Variants in ADGRG4 observed in about 807,000 individuals in gnomAD.
ADGRG4 encodes adhesion G protein-coupled receptor G4, also known as G protein-coupled receptor 112.
ADGRG4 carries 122 observed loss-of-function variants against 126.2 expected under a neutral mutation model. That is an observed-to-expected ratio of 0.97 (90% CI 0.83 to 1.12). ADGRG4 has a LOEUF of 1.12. Ranked by LOEUF, ADGRG4 falls within the 50% of genes most tolerant of loss-of-function variation. The pLI, the probability that ADGRG4 is intolerant of heterozygous loss-of-function variation, is 0.00. For synonymous variants in ADGRG4, 943 were observed against 838.7 expected, an observed-to-expected ratio of 1.12 and a Z score of -2.15; for missense variants, 2,481 against 2,251.8, an observed-to-expected ratio of 1.10 and a Z score of -2.06.
At chrX:136,385,554 T>C (rs902861030) in intron 15 of ADGRG4, among the ~76,000 whole-genome samples, 1 of 112,172 alleles carries the variant, frequency 8.9e-6, no homozygotes, top group Non-Finnish European at 1.9e-5. Context: ...TACTAGCTGC[T>C]TTAAAATCCT....
At chrX:136,337,944 G>A (rs973666710) in intron 5 of ADGRG4, among the ~76,000 whole-genome samples, 1 of 110,974 alleles carries the variant, frequency 9.0e-6, no homozygotes, top group African/African-American at 3.3e-5. Flanking sequence ...TAATATGAAT[G>A]TTGGATATTT....
In ADGRG4 at chrX:136,399,899, A is replaced by C. The variant is rs768840698; in HGVS notation, c.8358A>C (p.Ala2786=). The C allele has an allele frequency of 8.3e-7, 1 of 1,208,824 alleles. No homozygotes were observed. Among genetic ancestry groups the C allele is most frequent in the African/African-American group, 1.7e-5 (1 of 57,737 alleles). The change falls in exon 21 of 26, where the codon GCA becomes GCC. Residue 2786 remains alanine, a synonymous_variant. Coordinates refer to ENST00000394143, the MANE Select transcript of ADGRG4 (RefSeq NM_153834.4). ...PAKILINLCT[A]LLMLNLVFLI... is the part of the protein sequence containing the mutation. ...AAATTCTGATCAACCTGTGCACAGC[A>C]CTACTGATGCTAAACCTGGTATTTT...
Position 136,394,631 on chromosome X carries a change from G to A in ADGRG4, c.8081-759G>A, listed in dbSNP as rs2075337060. Among the ~76,000 whole-genome samples, 3 of 111,800 alleles carry A rather than the reference G, an allele frequency of 2.7e-5. No homozygotes were observed. In the South Asian group the frequency reaches 1.1e-3, roughly 42 times the overall value. On this transcript the variant is annotated intron_variant, in intron 18 of 25. Coordinates refer to ENST00000394143, the MANE Select transcript of ADGRG4 (RefSeq NM_153834.4). ...TATGTTGATCTCTATGTTCATTAAC[G>A]CAAATTGCTGGGGTACTCCCAGGTC...
chrX:136,361,350 A>G (rs1474273736), intron 11 of ADGRG4, 105 bp from the exon 12 acceptor site: 1 of 307,007 alleles, frequency 3.3e-6, no homozygotes, highest in East Asian at 1.2e-4. Flanking sequence ...GACGTTCATA[A>G]TAATATATAA....
chrX:136,387,227 C>A (rs2075296513), intron 15 of ADGRG4, among the ~76,000 whole-genome samples: 1 of 112,400 alleles, frequency 8.9e-6, no homozygotes, highest in Non-Finnish European at 1.9e-5. Context: ...TGTGAGCATG[C>A]AGCAGAATTG....
intron 5 of ADGRG4, among the ~76,000 whole-genome samples, chrX:136,344,158 G>A (rs1018071665): frequency 1.8e-5 from 2 of 111,358 alleles, no homozygotes; most frequent in Non-Finnish European, 3.8e-5. Flanking sequence ...TATATTTTAT[G>A]AAGATACTAC....
chrX:136,405,905 A>AT lies in ADGRG4; in HGVS notation c.8874dup (p.Ala2959CysfsTer17), dbSNP rs771931957. 5.1e-6 allele frequency: 6 copies of AT among 1,179,293 alleles called. No individual in the cohort carries two copies. In the African/African-American group the frequency reaches 7.2e-5, roughly 14 times the overall value. ...TACTTGGCCTCACCTGGGGGTTTGC[A>AT]TTTTTTGCTTGGGGACCCATGAGGA... is the stretch of plus-strand genomic sequence containing the variant. On this transcript the variant is annotated frameshift_variant, in exon 23 of 26. Coordinates refer to ENST00000394143, the MANE Select transcript of ADGRG4 (RefSeq NM_153834.4). LOFTEE classifies it high-confidence loss of function.
At position 136,416,478 on chromosome X, in the gene ADGRG4, G is replaced by C. The variant is rs769856919; in HGVS notation, c.9230G>C (p.Cys3077Ser). The C allele has an allele frequency of 5.0e-6, 6 of 1,194,971 alleles. No homozygotes were observed. Among genetic ancestry groups the C allele is most frequent in the Non-Finnish European group, 6.8e-6 (6 of 883,946 alleles). ...GATGACTTTGACAAAGATCCTTACTGTTCCTCTCCTTGATTTGTGAAGTTG... is the reference window on the plus strand; with the variant it reads ...GATGACTTTGACAAAGATCCTTACTCTTCCTCTCCTTGATTTGTGAAGTTG... ...PNDDFDKDPY[C>S]SSP Residue 3077 changes from cysteine (C) to serine (S), a missense_variant, in exon 26 of 26, where the codon TGT becomes TCT. Physicochemically the swap from Cys to Ser is moderately radical, Grantham distance 112. Transcript: ENST00000394143.
Position 136,349,440 on chromosome X carries a change from C to T in ADGRG4, c.5734C>T (p.Leu1912=), listed in dbSNP as rs2075044448. The T allele has an allele frequency of 3.3e-6, 4 of 1,206,041 alleles. No homozygotes were observed. ...PTSNEMETET[L]HLVPGPLSTF... is the part of the protein sequence containing the mutation. The stretch of plus-strand genomic sequence containing the variant: ...ATCCAATGAGATGGAAACAGAGACT[C>T]TACACCTTGTTCCTGGGCCTTTGTC... Residue 1912 remains leucine (L), a synonymous_variant, in exon 6 of 26, where the codon CTA becomes TTA. Coordinates refer to ENST00000394143, the MANE Select transcript of ADGRG4 (RefSeq NM_153834.4).
intron 21 of ADGRG4, among the ~76,000 whole-genome samples, chrX:136,402,970 G>A (rs994325403): frequency 8.9e-6 from 1 of 112,185 alleles, no homozygotes; most frequent in Non-Finnish European, 1.9e-5. Flanking sequence ...TACTTCTTTT[G>A]CCAAGTTGAT....
chrX:136,361,719 C>A, intron 12 of ADGRG4, 132 bp downstream of exon 12: 1 of 376,126 alleles, frequency 2.7e-6, no homozygotes, highest in Non-Finnish European at 4.3e-6. Flanking sequence ...CTTTCTATTA[C>A]CTTTCGTACC....
chrX:136,348,824 A>G lies in ADGRG4; in HGVS notation c.5118A>G (p.Ser1706=). 2.5e-6 allele frequency: 3 copies of G among 1,209,775 alleles called. No individual in the cohort carries two copies. Among genetic ancestry groups the G allele is most frequent in the East Asian group, 3.0e-5 (1 of 33,684 alleles). ...CATTTCTATCAGCAACTCAACAGTC[A>G]TCACAAGCAGATGAGGCTACAACTT... is the stretch of plus-strand genomic sequence containing the variant. ...FSPFLSATQQ[S]SQADEATTLG... The change falls in exon 6 of 26, where the codon TCA becomes TCG. Residue 1706 remains serine, a synonymous_variant. Coordinates refer to ENST00000394143, the MANE Select transcript of ADGRG4 (RefSeq NM_153834.4).
chrX:136,325,480 C>T (rs2074866237), intron 5 of ADGRG4, among the ~76,000 whole-genome samples: 1 of 111,752 alleles, frequency 8.9e-6, no homozygotes, highest in Admixed American at 9.5e-5. Context: ...GAGCTACAGA[C>T]TAGTAGGTTA....
chrX:136,402,563 G>A (rs1320959811), intron 21 of ADGRG4, among the ~76,000 whole-genome samples: 2 of 111,803 alleles, frequency 1.8e-5, no homozygotes, highest in African/African-American at 6.5e-5. Context: ...ATGTATGTAG[G>A]TGCATGCGCT....
intron 15 of ADGRG4, among the ~76,000 whole-genome samples, chrX:136,377,201 G>GTTT: frequency 2.1e-5 from 1 of 46,760 alleles, no homozygotes; most frequent in Non-Finnish European, 3.9e-5. Context: ...TGTTGTTGTT[G>GTTT]TTGTTGTTTG....
chrX:136,309,106 C>G (rs1486442319), intron 4 of ADGRG4, among the ~76,000 whole-genome samples: 1 of 112,597 alleles, frequency 8.9e-6, no homozygotes, highest in Non-Finnish European at 1.9e-5. Context: ...TAAAGCAACT[C>G]TGAAATGCCA....
At chrX:136,324,733 T>G (rs1051171907) in intron 5 of ADGRG4, among the ~76,000 whole-genome samples, 2 of 112,119 alleles carry the variant, frequency 1.8e-5, no homozygotes, top group African/African-American at 6.5e-5. Context: ...TTTGACAAGT[T>G]CCCCATCATT....
chrX:136,369,355 T>C (rs2075178963), intron 13 of ADGRG4, among the ~76,000 whole-genome samples: 1 of 112,293 alleles, frequency 8.9e-6, no homozygotes, highest in Non-Finnish European at 1.9e-5. Context: ...GGAATGAGGA[T>C]CAATTTATTC....
intron 7 of ADGRG4, 36 bp downstream of exon 7, chrX:136,351,577 A>T: frequency 1.7e-6 from 1 of 583,184 alleles, no homozygotes; most frequent in Non-Finnish European, 2.7e-6. Context: ...GGCATATATA[A>T]ATATATGTGA....
Sources: gnomAD v4.1 joint callset for allele counts (sites outside exome capture counted in the v4.1 genomes callset) on GRCh38, gnomAD v4.1.1 for gene constraint, MANE v1.5 for transcripts, NCBI Gene and HGNC (gene_info 2026-07-23, HGNC 2026-07-21) for gene names.